Variants in ANKS1B observed in about 807,000 individuals in gnomAD.
ANKS1B encodes the protein ankyrin repeat and sterile alpha motif domain-containing protein 1B.
A neutral mutation model predicts 148.3 loss-of-function variants in ANKS1B; 36 were observed. The observed-to-expected ratio is 0.24, with a 90% CI of 0.19 to 0.32. The LOEUF (loss-of-function observed/expected upper bound fraction) is 0.32, where lower values mean the gene tolerates loss of function less well. Ranked by LOEUF, ANKS1B falls within the 10% of genes least tolerant of loss-of-function variation. ANKS1B has a pLI of 1.00. For missense variants in ANKS1B, 1,157 were observed against 1,542.6 expected, an observed-to-expected ratio of 0.75 and a Z score of 4.19; for synonymous variants, 542 against 560.8, an observed-to-expected ratio of 0.97 and a Z score of 0.47.
At chr12:99,744,635 C>G (rs1025812540) in intron 8 of ANKS1B, among the ~76,000 whole-genome samples, 2 of 152,136 alleles carry the variant, frequency 1.3e-5, no homozygotes, top group Non-Finnish European at 2.9e-5. Flanking sequence ...AATAAATGTT[C>G]TATCTTTGAA....
chr12:98,875,384 G>A (rs781446198), intron 17 of ANKS1B, among the ~76,000 whole-genome samples: 1 of 152,178 alleles, frequency 6.6e-6, no homozygotes, highest in Non-Finnish European at 1.5e-5. Context: ...CCTAGGCATA[G>A]TGTTCAAGCC....
intron 10 of ANKS1B, among the ~76,000 whole-genome samples, chr12:99,461,668 T>C (rs1193016054): frequency 6.6e-6 from 1 of 152,178 alleles, no homozygotes; most frequent in African/African-American, 2.4e-5. Context: ...AGCATGTATC[T>C]CCCAATCTTG....
rs536750592 is a variant in ANKS1B, at chr12:99,980,742, T to C, written c.134+3362A>G. On this transcript the variant is annotated intron_variant, in intron 1 of 26. Coordinates refer to ENST00000683438, the MANE Select transcript of ANKS1B (RefSeq NM_001352186.2). ...ATAGCTCTTCCATGAAAAATACTTA[T>C]AAGAAAACAAAAATACATGCATCTA... Among the ~76,000 whole-genome samples, 5 of 152,074 alleles carry C rather than the reference T, an allele frequency of 3.3e-5. No homozygotes were observed. The East Asian group carries it at 9.6e-4, about 29-fold the overall frequency.
intron 4 of ANKS1B, among the ~76,000 whole-genome samples, chr12:99,798,567 C>A (rs566624041): frequency 4.6e-5 from 7 of 151,806 alleles, no homozygotes; most frequent in Non-Finnish European, 1.0e-4. Context: ...TTGTGGGTAT[C>A]TAACTTTTAG....
At chr12:99,192,148 A>G (rs1414584135) in intron 14 of ANKS1B, among the ~76,000 whole-genome samples, 2 of 151,300 alleles carry the variant, frequency 1.3e-5, no homozygotes, top group Non-Finnish European at 3.0e-5. Flanking sequence ...AAAAAAAAAA[A>G]AAAAAAAAGT....
intron 9 of ANKS1B, among the ~76,000 whole-genome samples, chr12:99,556,168 T>A (rs2097274070): frequency 6.6e-6 from 1 of 152,310 alleles, no homozygotes; most frequent in Non-Finnish European, 1.5e-5. Flanking sequence ...GGAAGTTGCA[T>A]GTTTCCAGGA....
intron 1 of ANKS1B, among the ~76,000 whole-genome samples, chr12:99,828,558 A>T (rs1214057024): frequency 6.6e-6 from 1 of 152,194 alleles, no homozygotes; most frequent in Non-Finnish European, 1.5e-5. Context: ...ACTACAGAAA[A>T]AAAAGAAACT....
intron 1 of ANKS1B, among the ~76,000 whole-genome samples, chr12:99,899,948 G>C (rs985754682): frequency 1.3e-5 from 2 of 151,682 alleles, no homozygotes; most frequent in African/African-American, 2.4e-5. Flanking sequence ...GCCCAGGCTG[G>C]AGTGCAGTGG....
chr12:99,155,180 T>C, intron 14 of ANKS1B: 1 of 1,357,344 alleles, frequency 7.4e-7, no homozygotes, highest in Non-Finnish European at 9.6e-7. Context: ...CACGACAGGT[T>C]CCCTTTCTCC....
chr12:99,250,329 G>T (rs2074418859), intron 12 of ANKS1B, among the ~76,000 whole-genome samples: 1 of 152,348 alleles, frequency 6.6e-6, no homozygotes, highest in East Asian at 1.9e-4. Flanking sequence ...CATAAGAAAA[G>T]CATGCTCTCT....
chr12:99,591,347 G>C (rs1323653219), intron 9 of ANKS1B, among the ~76,000 whole-genome samples: 1 of 151,446 alleles, frequency 6.6e-6, no homozygotes, highest in Non-Finnish European at 1.5e-5. Context: ...TTTTTTCCAG[G>C]ATAAAGAGCA....
In ANKS1B at chr12:98,745,591, G is replaced by T; in HGVS notation, c.*148C>A. The T allele has an allele frequency of 8.5e-6, 12 of 1,413,086 alleles. No individual in the cohort carries two copies. Among genetic ancestry groups the T allele is most frequent in the Non-Finnish European group, 1.1e-5 (12 of 1,080,440 alleles). 87.5% of individuals were successfully genotyped at this position (1,413,086 alleles called of 1,614,324 possible). ...ACTGGTGCAGAAAGAACTTCCCCAG[G>T]AATGGCCAGTGGCCTTTCGCCCGTA... On this transcript the variant is annotated 3_prime_UTR_variant, in exon 27 of 27. Transcript: ENST00000683438.
At position 99,959,227 on chromosome 12, in the gene ANKS1B, A is replaced by ATTT. The variant is rs71088166; in HGVS notation, c.134+24874_134+24876dup. On this transcript the variant is annotated intron_variant, in intron 1 of 26. Transcript: ENST00000683438. ...AGGTGCAGGCCACCACACCCAGTTA[A>ATTT]TTTTTTTTTTTTTTTTTTTTTTTGT... Among the ~76,000 whole-genome samples, 513 of 99,870 alleles carry ATTT rather than the reference A, an allele frequency of 5.1e-3. 10 individuals are homozygous for ATTT. The highest frequency in any genetic ancestry group is 0.039 in the East Asian group (126 of 3,264). The allele number at this position is 99,870 out of a possible 152,430, so 65.5% of individuals were successfully genotyped here. A position where few individuals can be genotyped will look rare whatever the true frequency, so the allele number is the denominator to read the frequency against.
At chr12:99,558,387 C>T (rs1004108473) in intron 9 of ANKS1B, among the ~76,000 whole-genome samples, 4 of 152,066 alleles carry the variant, frequency 2.6e-5, no homozygotes, top group Admixed American at 2.6e-4. Flanking sequence ...GGTACACACA[C>T]GCATGCCAGC....
chr12:98,736,450 A>C (rs2097773619), intron 9 of ANKS1B, among the ~76,000 whole-genome samples: 1 of 152,218 alleles, frequency 6.6e-6, no homozygotes, highest in Non-Finnish European at 1.5e-5. Flanking sequence ...TGAGATGAAG[A>C]CAATGAAAGC....
chr12:98,780,434 GGA>G (rs1407473869), intron 24 of ANKS1B, among the ~76,000 whole-genome samples: 1 of 152,204 alleles, frequency 6.6e-6, no homozygotes, highest in Non-Finnish European at 1.5e-5. Flanking sequence ...TGTCAAGAAA[GGA>G]ATGCTTTTTC....
intron 8 of ANKS1B, among the ~76,000 whole-genome samples, chr12:99,702,888 GTAGTTTCA>G (rs2055097522): frequency 6.6e-6 from 1 of 151,962 alleles, no homozygotes; most frequent in Non-Finnish European, 1.5e-5. Flanking sequence ...TTTTCTTTTA[GTAGTTTCA>G]TAGTTTCAGG....
chr12:99,609,915 G>T (rs2097886102), intron 9 of ANKS1B, among the ~76,000 whole-genome samples: 1 of 152,120 alleles, frequency 6.6e-6, no homozygotes, highest in African/African-American at 2.4e-5. Context: ...GACCAGGGAA[G>T]AGCTGATGTT....
At chr12:99,716,303 T>C (rs1741094307) in intron 8 of ANKS1B, among the ~76,000 whole-genome samples, 1 of 148,250 alleles carries the variant, frequency 6.7e-6, no homozygotes, top group Non-Finnish European at 1.5e-5. Context: ...ACCTCTTATC[T>C]CTGCACCCCA....
Sources: gnomAD v4.1 joint callset for allele counts (sites outside exome capture counted in the v4.1 genomes callset) on GRCh38, gnomAD v4.1.1 for gene constraint, MANE v1.5 for transcripts, NCBI Gene and HGNC (gene_info 2026-07-23, HGNC 2026-07-21) for gene names.